The following COL25A1 variants were observed in gnomAD, a reference collection of about 807,000 sequenced individuals.
COL25A1 encodes collagen type XXV alpha 1 chain, also known as collagen alpha-1(XXV) chain.
In COL25A1, 103 loss-of-function variants were observed where a neutral mutation model predicts 128.4. That is an observed-to-expected ratio of 0.80 (90% CI 0.68 to 0.94). The LOEUF (loss-of-function observed/expected upper bound fraction) is 0.94, where lower values mean the gene tolerates loss of function less well. Ranked by LOEUF, COL25A1 falls within the 40% of genes least tolerant of loss-of-function variation. The probability of loss-of-function intolerance (pLI) is 0.00; values close to 1 mark genes in which losing one functional copy is unlikely to be tolerated. For synonymous variants in COL25A1, 279 were observed against 277.2 expected, an observed-to-expected ratio of 1.01 and a Z score of -0.06; for missense variants, 745 against 840.0, an observed-to-expected ratio of 0.89 and a Z score of 1.40.
chr4:109,063,744 G>A (rs1279892352), intron 3 of COL25A1, among the ~76,000 whole-genome samples: 3 of 152,042 alleles, frequency 2.0e-5, no homozygotes, highest in Non-Finnish European at 2.9e-5. Context: ...ACATTCACCG[G>A]AATTTTTGTT....
chr4:109,012,414 C>T (rs1346748189), intron 5 of COL25A1, among the ~76,000 whole-genome samples: 2 of 106,166 alleles, frequency 1.9e-5, no homozygotes, highest in African/African-American at 1.2e-4. Flanking sequence ...ACTGTGGGAG[C>T]CCCTGTCTGG....
chr4:109,150,496 A>T (rs967337943), intron 3 of COL25A1, among the ~76,000 whole-genome samples: 2 of 152,184 alleles, frequency 1.3e-5, no homozygotes, highest in Non-Finnish European at 2.9e-5. Context: ...GGAGGTAAAA[A>T]GGCAAAATGT....
At chr4:108,897,434 T>A (rs1742272115) in intron 15 of COL25A1, among the ~76,000 whole-genome samples, 1 of 152,208 alleles carries the variant, frequency 6.6e-6, no homozygotes, top group Non-Finnish European at 1.5e-5. Context: ...AAATTCTGAA[T>A]TCTTCAATAT....
chr4:109,243,055 C>T (rs1780009476), intron 3 of COL25A1, among the ~76,000 whole-genome samples: 1 of 152,076 alleles, frequency 6.6e-6, no homozygotes, highest in Admixed American at 6.6e-5. Context: ...CAACATCTCC[C>T]TTGTATTTCT....
At chr4:108,878,762 A>G in intron 19 of COL25A1, among the ~76,000 whole-genome samples, 1 of 152,162 alleles carries the variant, frequency 6.6e-6, no homozygotes, top group East Asian at 1.9e-4. Flanking sequence ...GGCTTACATC[A>G]TGAAAGCATA....
At chr4:109,229,696 C>A (rs1779039194) in intron 3 of COL25A1, among the ~76,000 whole-genome samples, 1 of 152,120 alleles carries the variant, frequency 6.6e-6, no homozygotes, top group Non-Finnish European at 1.5e-5. Context: ...AAGAGCTGAA[C>A]CGAGAAGGCA....
At chr4:108,966,437 A>C (rs188716773) in intron 8 of COL25A1, among the ~76,000 whole-genome samples, 3 of 152,226 alleles carry the variant, frequency 2.0e-5, no homozygotes, top group Non-Finnish European at 4.4e-5. Flanking sequence ...GCAGCTTGAT[A>C]GCAGGATTTG....
At chr4:108,984,563 G>A (rs1753443454) in intron 6 of COL25A1, among the ~76,000 whole-genome samples, 1 of 152,240 alleles carries the variant, frequency 6.6e-6, no homozygotes, top group Non-Finnish European at 1.5e-5. Context: ...AAGGCCCAGC[G>A]AGAAATTGAG....
intron 3 of COL25A1, among the ~76,000 whole-genome samples, chr4:109,269,576 A>T (rs867136018): frequency 1.3e-5 from 2 of 150,174 alleles, no homozygotes; most frequent in Admixed American, 6.6e-5. Context: ...CTATTTCTCC[A>T]CATCCTCTCC....
chr4:109,294,573 A>T (rs758601292), intron 3 of COL25A1, among the ~76,000 whole-genome samples: 2 of 152,058 alleles, frequency 1.3e-5, no homozygotes, highest in Non-Finnish European at 2.9e-5. Flanking sequence ...CACCACATGG[A>T]ACTTCACCCA....
At chr4:108,895,006 A>T (rs774005320) in intron 16 of COL25A1, among the ~76,000 whole-genome samples, 20 of 152,152 alleles carry the variant, frequency 1.3e-4, no homozygotes, top group African/African-American at 2.9e-4. Flanking sequence ...GCCAAAAATG[A>T]TGCTAAACAT....
intron 11 of COL25A1, among the ~76,000 whole-genome samples, chr4:108,935,322 C>T (rs1231211241): frequency 6.6e-6 from 1 of 152,056 alleles, no homozygotes; most frequent in Non-Finnish European, 1.5e-5. Context: ...GGGATGGCAA[C>T]TGGGGGTAAA....
intron 3 of COL25A1, among the ~76,000 whole-genome samples, chr4:109,249,510 AAAC>A (rs1247095763): frequency 1.3e-5 from 2 of 152,344 alleles, no homozygotes; most frequent in Admixed American, 1.3e-4. Flanking sequence ...GAGACAAAAT[AAAC>A]AACAACAATG....
Position 108,838,111 on chromosome 4 carries a change from G to A in COL25A1, c.1656+3584C>T, listed in dbSNP as rs767624642. On this transcript the variant is annotated intron_variant, in intron 31 of 37. Coordinates refer to ENST00000399132, the MANE Select transcript of COL25A1 (RefSeq NM_198721.4). ...TTCTTTACTTACTGGAAGACCAAGG[G>A]GTCCTCTGTCACCCTTTTGACCTGG... 3.4e-5 allele frequency: 52 copies of A among 1,549,090 alleles called. 3 individuals are homozygous for A. The South Asian group carries it at 6.2e-4, about 18-fold the overall frequency.
intron 5 of COL25A1, among the ~76,000 whole-genome samples, chr4:109,014,395 G>A (rs540563861): frequency 1.8e-4 from 27 of 150,454 alleles, no homozygotes; most frequent in Non-Finnish European, 3.2e-4. Context: ...TAAAATGCAG[G>A]ATTCTCTAAA....
chr4:109,190,676 G>A (rs929756659), intron 3 of COL25A1, among the ~76,000 whole-genome samples: 3 of 152,170 alleles, frequency 2.0e-5, no homozygotes, highest in Admixed American at 1.3e-4. Context: ...GATCACTGAT[G>A]TAATTTCTTC....
At chr4:109,167,228 C>T (rs149691254) in intron 3 of COL25A1, among the ~76,000 whole-genome samples, 77 of 152,212 alleles carry the variant, frequency 5.1e-4, no homozygotes, top group Middle Eastern at 3.4e-3. Flanking sequence ...TTATAAAACT[C>T]ATCTTTCTCT....
chr4:108,983,008 G>T (rs905666336), intron 6 of COL25A1, among the ~76,000 whole-genome samples: 4 of 152,128 alleles, frequency 2.6e-5, no homozygotes, highest in African/African-American at 9.7e-5. Context: ...GGAGTTAAAG[G>T]CTTATAAAAC....
intron 19 of COL25A1, among the ~76,000 whole-genome samples, chr4:108,875,311 A>G (rs1335423255): frequency 6.6e-6 from 1 of 152,248 alleles, no homozygotes; most frequent in Non-Finnish European, 1.5e-5. Flanking sequence ...CAATCCACTC[A>G]TCTGACAAAG....
Sources: gnomAD v4.1 joint callset for allele counts (sites outside exome capture counted in the v4.1 genomes callset) on GRCh38, gnomAD v4.1.1 for gene constraint, MANE v1.5 for transcripts, NCBI Gene and HGNC (gene_info 2026-07-23, HGNC 2026-07-21) for gene names.